The following DCLRE1C variants were observed in gnomAD, a reference collection of about 807,000 sequenced individuals.
The protein encoded by DCLRE1C is protein artemis.
A neutral mutation model predicts 61.4 loss-of-function variants in DCLRE1C; 47 were observed. The observed-to-expected ratio is 0.77, with a 90% CI of 0.61 to 0.98. DCLRE1C has a LOEUF of 0.98. Ranked by LOEUF, DCLRE1C falls within the 50% of genes least tolerant of loss-of-function variation. The pLI is 0.00. For missense variants in DCLRE1C, 858 were observed against 816.0 expected, an observed-to-expected ratio of 1.05 and a Z score of -0.63; for synonymous variants, 337 against 287.6, an observed-to-expected ratio of 1.17 and a Z score of -1.74.
intron 2 of DCLRE1C, among the ~76,000 whole-genome samples, chr10:14,946,146 C>T (rs1841656813): frequency 6.6e-6 from 1 of 150,968 alleles, no homozygotes; most frequent in Non-Finnish European, 1.5e-5. Flanking sequence ...GTAGCTGGGA[C>T]TACATGCGCA....
At chr10:14,912,661 C>A (rs1835454814) in intron 13 of DCLRE1C, among the ~76,000 whole-genome samples, 1 of 152,106 alleles carries the variant, frequency 6.6e-6, no homozygotes, top group African/African-American at 2.4e-5. Flanking sequence ...GAAATAAAAG[C>A]CAGGCACAAA....
chr10:14,939,443 C>A (rs1840507812), intron 4 of DCLRE1C, among the ~76,000 whole-genome samples: 1 of 140,302 alleles, frequency 7.1e-6, no homozygotes. Flanking sequence ...GACTCTGTCT[C>A]AAAAAAAAAA....
chr10:14,934,364 T>C lies in DCLRE1C; in HGVS notation c.678+16A>G. 1 of 1,607,888 alleles carries C rather than the reference T, an allele frequency of 6.2e-7. No homozygotes were observed. The highest frequency in any genetic ancestry group is 1.1e-5 in the South Asian group (1 of 89,504). On this transcript the variant is annotated intron_variant, in intron 8 of 13. Transcript: ENST00000378278. ...AAAAAGAAAAAAGAAAAGAAAAGAA[T>C]GAACAGTCACCATACCTGGACTCCT...
chr10:14,906,697 A>G lies in DCLRE1C; in HGVS notation c.*1711T>C, dbSNP rs923823071. Among the ~76,000 whole-genome samples, 1 of 152,172 alleles carries G rather than the reference A, an allele frequency of 6.6e-6. No homozygotes were observed. The highest frequency in any genetic ancestry group is 1.5e-5 in the Non-Finnish European group (1 of 68,016). On this transcript the variant is annotated 3_prime_UTR_variant, in exon 14 of 14. Transcript: ENST00000378278. ...CAAGTGTTAGTTTAACTGATCTGCA[A>G]ATTGTTTTAAGTGGTGTCTCTGCTT...
chr10:14,936,659 G>A (rs1839976976), intron 4 of DCLRE1C, 66 bp from the exon 5 acceptor site: 6 of 1,121,490 alleles, frequency 5.4e-6, no homozygotes, highest in Non-Finnish European at 8.1e-6. Context: ...GCTCAACAAA[G>A]CCCTCCTTCA....
intron 1 of DCLRE1C, among the ~76,000 whole-genome samples, chr10:14,950,370 A>C (rs941853827): frequency 4.0e-5 from 6 of 151,694 alleles, no homozygotes; most frequent in Admixed American, 1.3e-4. Flanking sequence ...AAAAAAAAAA[A>C]AAAAAACAAG....
rs1186161494 is a variant in DCLRE1C at position 14,932,971 on chromosome 10, C to T, written c.679-16G>A. ...TCACATGAACCTAAGGCAAATAATA[C>T]ATACATGCAAATTATGTGAAATGTA... On this transcript the variant is annotated splice_polypyrimidine_tract_variant and intron_variant, in intron 8 of 13. Transcript: ENST00000378278. The T allele has an allele frequency of 1.2e-6, 2 of 1,610,720 alleles. No individual in the cohort carries two copies. Among genetic ancestry groups the T allele is most frequent in the East Asian group, 2.2e-5 (1 of 44,882 alleles).
At chr10:14,947,821 A>T (rs12257600) in intron 2 of DCLRE1C, among the ~76,000 whole-genome samples, 2,959 of 152,240 alleles carry the variant, frequency 0.019, 99 homozygotes, top group African/African-American at 0.067. Flanking sequence ...ACACTTTGGG[A>T]GGCTGAGGCA....
In DCLRE1C at chr10:14,908,702, T is replaced by C; in HGVS notation, c.1785A>G (p.Val595=). The change falls in exon 14 of 14, where the codon GTA becomes GTG. Residue 595 remains valine, a synonymous_variant. Transcript: ENST00000378278. The stretch of plus-strand genomic sequence containing the variant: ...CAGAGTAAGTATCCTTTGGGCAAAT[T>C]ACATTTTGTTCCATGAGAGAGGCAG... The part of the protein sequence containing the change: ...NIPASLMEQN[V]ICPKDTYSDL... 6.2e-7 allele frequency: 1 copy of C among 1,614,232 alleles called. No individual in the cohort carries two copies. Among genetic ancestry groups the C allele is most frequent in the South Asian group, 1.1e-5 (1 of 91,082 alleles).
rs1186871979 is a variant in DCLRE1C at position 14,906,211 on chromosome 10, T to TG, written c.*2196dup. Among the ~76,000 whole-genome samples, 4 of 152,194 alleles carry TG rather than the reference T, an allele frequency of 2.6e-5. No individual in the cohort carries two copies. Among genetic ancestry groups the TG allele is most frequent in the Admixed American group, 6.5e-5 (1 of 15,282 alleles). ...TCTGTGCCTTTGTCTCATTTGTACA[T>TG]GGGGATTAGAAATGTATCTACCTCA... On this transcript the variant is annotated 3_prime_UTR_variant, in exon 14 of 14. Coordinates refer to ENST00000378278, the MANE Select transcript of DCLRE1C (RefSeq NM_001033855.3).
downstream of DCLRE1C, among the ~76,000 whole-genome samples, chr10:14,899,999 G>GT (rs1421839533): frequency 1.3e-5 from 2 of 152,108 alleles, no homozygotes; most frequent in Non-Finnish European, 2.9e-5. Flanking sequence ...CAATTAAGAG[G>GT]TAAAATGTCC....
At chr10:14,915,012 C>G (rs181487149) in intron 13 of DCLRE1C, among the ~76,000 whole-genome samples, 79 of 151,376 alleles carry the variant, frequency 5.2e-4, no homozygotes, top group African/African-American at 1.7e-3. Context: ...AGAATAATCC[C>G]TGGGAAGTCC....
intron 2 of DCLRE1C, among the ~76,000 whole-genome samples, chr10:14,947,218 A>G (rs1841832024): frequency 6.6e-6 from 1 of 151,540 alleles, no homozygotes; most frequent in South Asian, 2.1e-4. Context: ...TTTCAAACAA[A>G]CAAACAAACA....
chr10:14,920,125 A>G (rs1381117644), intron 12 of DCLRE1C, among the ~76,000 whole-genome samples: 3 of 152,160 alleles, frequency 2.0e-5, no homozygotes, highest in Non-Finnish European at 4.4e-5. Context: ...ACTAAGGTAA[A>G]ACTTAGATCT....
chr10:14,899,084 T>G, exon 14 of DCLRE1C: 1 of 613,084 alleles, frequency 1.6e-6, no homozygotes, highest in Non-Finnish European at 2.9e-6. Context: ...CTTGGGGAGG[T>G]CAAGGCTGGA....
At chr10:14,935,357 T>C (rs965883953) in intron 6 of DCLRE1C, 106 bp downstream of exon 6, 2 of 1,259,708 alleles carry the variant, frequency 1.6e-6, no homozygotes, top group African/African-American at 3.0e-5. Flanking sequence ...TCCCAGCTAC[T>C]TGGGAGGCTG....
intron 13 of DCLRE1C, among the ~76,000 whole-genome samples, chr10:14,912,479 C>T (rs1376438381): frequency 2.0e-5 from 3 of 152,174 alleles, no homozygotes; most frequent in African/African-American, 7.2e-5. Flanking sequence ...GACTTGTACT[C>T]AAATTTTCAT....
At position 14,949,157 on chromosome 10, in the gene DCLRE1C, C is replaced by A; in HGVS notation, c.110-70G>T. The A allele has an allele frequency of 3.6e-6, 4 of 1,098,014 alleles. No homozygotes were observed. The South Asian group carries it at 3.9e-5, about 11-fold the overall frequency. 68.0% of individuals were successfully genotyped at this position (1,098,014 alleles called of 1,614,324 possible). On this transcript the variant is annotated intron_variant, in intron 1 of 13. Coordinates refer to ENST00000378278, the MANE Select transcript of DCLRE1C (RefSeq NM_001033855.3). ...GATTCCTTAGCCCAAGGGAAACAGT[C>A]GTCTTCTTTTTCAGCTTCAAGAGAA...
intron 13 of DCLRE1C, among the ~76,000 whole-genome samples, chr10:14,916,795 G>A (rs896485812): frequency 2.0e-5 from 3 of 152,178 alleles, no homozygotes; most frequent in African/African-American, 7.2e-5. Context: ...CCATGTTCAT[G>A]GATCTGAAAA....
Sources: gnomAD v4.1 joint callset for allele counts (sites outside exome capture counted in the v4.1 genomes callset) on GRCh38, gnomAD v4.1.1 for gene constraint, MANE v1.5 for transcripts, NCBI Gene and HGNC (gene_info 2026-07-23, HGNC 2026-07-21) for gene names.